The following CENPP variants were observed in gnomAD, a reference collection of about 807,000 sequenced individuals.
The protein encoded by CENPP is centromere protein P.
Under a neutral mutation model 35.6 loss-of-function variants are expected in CENPP, and 24 were observed. The observed-to-expected ratio is 0.67, with a 90% CI of 0.49 to 0.95. CENPP has a LOEUF of 0.95. CENPP is among the 40% of genes least tolerant of loss of function. The pLI is 0.00. For synonymous variants in CENPP, 120 were observed against 125.5 expected (o/e 0.96, Z 0.29); for missense variants, 332 against 345.3 (o/e 0.96, Z 0.31).
chr9:92,538,788 G>A (rs1260327760), intron 5 of CENPP, among the ~76,000 whole-genome samples: 1 of 152,144 alleles, frequency 6.6e-6, no homozygotes, highest in Non-Finnish European at 1.5e-5. Flanking sequence ...ATGTGGTATT[G>A]GTCACCAAAC....
intron 5 of CENPP, among the ~76,000 whole-genome samples, chr9:92,542,863 C>T (rs970859121): frequency 9.9e-5 from 15 of 152,136 alleles, no homozygotes; most frequent in African/African-American, 3.4e-4. Context: ...ACATTTAATT[C>T]ATTAATCTAT....
chr9:92,558,127 A>G (rs1279536961), intron 5 of CENPP, among the ~76,000 whole-genome samples: 1 of 152,054 alleles, frequency 6.6e-6, no homozygotes, highest in Non-Finnish European at 1.5e-5. Flanking sequence ...AAGCTCCTGA[A>G]TTCTTTTTCA....
chr9:92,475,013 G>A, intron 5 of CENPP: 7 of 1,304,404 alleles, frequency 5.4e-6, no homozygotes, highest in Non-Finnish European at 7.0e-6. Context: ...GCAATGAAAT[G>A]GCATTTTAAT....
chr9:92,397,566 G>A (rs1435264049), intron 5 of CENPP, among the ~76,000 whole-genome samples: 1 of 152,114 alleles, frequency 6.6e-6, no homozygotes, highest in South Asian at 2.1e-4. Flanking sequence ...CTAACTTCAG[G>A]TGGTCCACCC....
chr9:92,443,251 G>A (rs72752492), intron 5 of CENPP, among the ~76,000 whole-genome samples: 4,705 of 152,126 alleles, frequency 0.031, 114 homozygotes, highest in South Asian at 0.084. Flanking sequence ...GATTTAGCAA[G>A]ACTGCTGATT....
At chr9:92,386,043 G>A (rs2130879847) in intron 5 of CENPP, among the ~76,000 whole-genome samples, 1 of 152,284 alleles carries the variant, frequency 6.6e-6, no homozygotes, top group Middle Eastern at 3.4e-3. Context: ...AAGTTCATGA[G>A]CCTAGTATTA....
At chr9:92,382,217 TTTAA>T (rs1842266099) in intron 5 of CENPP, among the ~76,000 whole-genome samples, 1 of 152,120 alleles carries the variant, frequency 6.6e-6, no homozygotes, top group African/African-American at 2.4e-5. Flanking sequence ...ATTTTTAATT[TTTAA>T]AATTTATTTT....
At position 92,537,661 on chromosome 9, in the gene CENPP, A is replaced by AAAAAG. The variant is rs151092338; in HGVS notation, c.565-73633_565-73629dup. On this transcript the variant is annotated intron_variant, in intron 5 of 7. Transcript: ENST00000375587. ...GGCAACAGAGCGAGACTACATCTCA[A>AAAAAG]AAAAGAAAAGAAAAGAAAAGAAAAA... Among the ~76,000 whole-genome samples the AAAAAG allele has an allele frequency of 5.8e-4, 89 of 152,270 alleles. 1 individual carries two copies. Among genetic ancestry groups the AAAAAG allele is most frequent in the South Asian group, 3.5e-3 (17 of 4,828 alleles).
chr9:92,437,798 T>A (rs1351452358), intron 5 of CENPP, among the ~76,000 whole-genome samples: 4 of 152,174 alleles, frequency 2.6e-5, no homozygotes, highest in Admixed American at 6.5e-5. Context: ...CTCACTCTGT[T>A]GCCCAGGCTG....
chr9:92,592,835 G>A (rs564999382), intron 5 of CENPP, among the ~76,000 whole-genome samples: 8 of 152,278 alleles, frequency 5.3e-5, no homozygotes, highest in African/African-American at 1.7e-4. Context: ...GTATTAGTTT[G>A]TATTCCCCTG....
chr9:92,330,144 C>T (rs539696565), intron 1 of CENPP, among the ~76,000 whole-genome samples: 10 of 152,194 alleles, frequency 6.6e-5, no homozygotes, highest in South Asian at 6.2e-4. Context: ...GGGAGCAGAA[C>T]GGATGGCAGT....
At chr9:92,377,981 A>G (rs1413095506) in intron 4 of CENPP, among the ~76,000 whole-genome samples, 1 of 152,008 alleles carries the variant, frequency 6.6e-6, no homozygotes, top group African/African-American at 2.4e-5. Context: ...TCTTCTTGGG[A>G]TGACTTAAGT....
intron 1 of CENPP, among the ~76,000 whole-genome samples, chr9:92,326,765 G>T (rs1245076575): frequency 6.6e-6 from 1 of 152,162 alleles, no homozygotes; most frequent in Non-Finnish European, 1.5e-5. Context: ...GAGAGGGAGA[G>T]AAAAGCTCTG....
chr9:92,390,561 T>G (rs976353078), intron 5 of CENPP, among the ~76,000 whole-genome samples: 24 of 113,924 alleles, frequency 2.1e-4, no homozygotes, highest in Non-Finnish European at 1.6e-4. Flanking sequence ...AGAGAGAAAT[T>G]CAGTGTGTGT....
rs746574652 is a variant in CENPP, at chr9:92,613,162, G to A, written c.*13G>A. The A allele has an allele frequency of 1.9e-6, 3 of 1,614,122 alleles. No homozygotes were observed. The highest frequency in any genetic ancestry group is 2.5e-6 in the Non-Finnish European group (3 of 1,180,000). On this transcript the variant is annotated 3_prime_UTR_variant, in exon 8 of 8. Transcript: ENST00000375587. ...GGAGAACAACTAGTTCCAAAACAGT[G>A]AACGTGGAGGATGAAGATGCTGCGT...
chr9:92,416,110 T>A (rs980423565), intron 5 of CENPP, among the ~76,000 whole-genome samples: 13 of 145,806 alleles, frequency 8.9e-5, no homozygotes, highest in East Asian at 7.8e-4. Context: ...TTTATTTTTT[T>A]TTTTTTTAAG....
chr9:92,412,623 C>T (rs1031216330), intron 5 of CENPP, among the ~76,000 whole-genome samples: 8 of 152,266 alleles, frequency 5.3e-5, no homozygotes, highest in East Asian at 3.9e-4. Flanking sequence ...TGTCTTTTTA[C>T]GACTGACTTC....
chr9:92,332,241 T>C lies in CENPP; in HGVS notation c.179T>C (p.Leu60Pro). ...TCTTCAAAAGATCTGAAAAATCAGC[T>C]TGGACATTTAGAATCAGAACTTTCA... is the stretch of plus-strand genomic sequence containing the variant. ...WKSSKDLKNQ[L>P]GHLESELSFL... The change falls in exon 2 of 8, where the codon CTT becomes CCT. Residue 60 changes from leucine to proline, a missense_variant. By Grantham distance (98) the Leu-to-Pro change is moderately conservative. Coordinates refer to ENST00000375587, the MANE Select transcript of CENPP (RefSeq NM_001012267.3). The C allele has an allele frequency of 6.2e-7, 1 of 1,613,202 alleles. No individual in the cohort carries two copies. The highest frequency in any genetic ancestry group is 1.7e-4 in the Middle Eastern group (1 of 6,054).
chr9:92,618,096 G>C lies in CENPP; in HGVS notation c.*4947G>C. 5.3e-6 allele frequency: 2 copies of C among 375,366 alleles called. No homozygotes were observed. Among genetic ancestry groups the C allele is most frequent in the South Asian group, 3.8e-5 (2 of 52,256 alleles). The allele number at this position is 375,366 out of a possible 1,614,324, so 23.3% of individuals were successfully genotyped here. ...GGCCTCTAGAGCACCACAGTTACTGGAACTTCACAGGTGCGGCCACTGCGC... is the reference window on the plus strand; with the variant it reads ...GGCCTCTAGAGCACCACAGTTACTGCAACTTCACAGGTGCGGCCACTGCGC... On this transcript the variant is annotated 3_prime_UTR_variant, in exon 8 of 8. Transcript: ENST00000375587.
Sources: allele counts gnomAD v4.1 joint callset (sites outside exome capture counted in the v4.1 genomes callset), GRCh38; gene constraint gnomAD v4.1.1; transcripts MANE v1.5; gene names NCBI Gene and HGNC (gene_info 2026-07-23, HGNC 2026-07-21).